Variants in FRMD3 observed in about 807,000 individuals in gnomAD.
The protein encoded by FRMD3 is FERM domain-containing protein 3.
FRMD3 carries 33 observed loss-of-function variants against 70.2 expected under a neutral mutation model. The ratio of observed to expected loss-of-function variants is 0.47; its 90% CI spans 0.36 to 0.63. FRMD3 has a LOEUF of 0.63. Ranked by LOEUF, FRMD3 falls within the 20% of genes least tolerant of loss-of-function variation. The pLI is 0.00. For missense variants in FRMD3, 632 were observed against 711.4 expected (o/e 0.89, Z 1.27); for synonymous variants, 279 against 255.9 (o/e 1.09, Z -0.86).
chr9:83,303,963 A>G (rs1399283650), intron 10 of FRMD3, among the ~76,000 whole-genome samples: 1 of 152,146 alleles, frequency 6.6e-6, no homozygotes, highest in Non-Finnish European at 1.5e-5. Context: ...TTGCCATTTT[A>G]GATATTTCAT....
intron 13 of FRMD3, among the ~76,000 whole-genome samples, chr9:83,285,289 C>T (rs1482539102): frequency 6.6e-6 from 1 of 152,144 alleles, no homozygotes; most frequent in African/African-American, 2.4e-5. Flanking sequence ...GATGGTGCTA[C>T]AGGGTGGCTT....
chr9:83,349,249 C>T (rs547205539), intron 4 of FRMD3, among the ~76,000 whole-genome samples: 281 of 152,174 alleles, frequency 1.8e-3, no homozygotes, highest in African/African-American at 6.5e-3. Context: ...GCCTCCCAGT[C>T]GGTCATTCAG....
chr9:83,400,003 A>G (rs1489867540), intron 1 of FRMD3, among the ~76,000 whole-genome samples: 1 of 151,996 alleles, frequency 6.6e-6, no homozygotes, highest in Non-Finnish European at 1.5e-5. Context: ...GACAAGAAAG[A>G]AAAAAGAAGA....
Position 83,389,699 on chromosome 9 carries a change from T to C in FRMD3, c.157A>G (p.Lys53Glu). The change falls in exon 2 of 14, where the codon AAA becomes GAA. Residue 53 changes from lysine (K) to glutamate (E), a missense_variant. Coordinates refer to ENST00000304195, the MANE Select transcript of FRMD3 (RefSeq NM_174938.6). The part of the protein sequence containing the change: ...EISCHIQRET[K>E]GQFLIDHICN... ...ATGTGGTCAATGAGAAACTGCCCTT[T>C]GGTTTCCCTCTGCAAAGGAAGCACA... The C allele has an allele frequency of 6.2e-7, 1 of 1,613,148 alleles. No individual in the cohort carries two copies. Among genetic ancestry groups the C allele is most frequent in the Non-Finnish European group, 8.5e-7 (1 of 1,179,142 alleles).
chr9:83,387,710 T>C (rs1825550625), intron 2 of FRMD3, among the ~76,000 whole-genome samples: 1 of 152,206 alleles, frequency 6.6e-6, no homozygotes, highest in Non-Finnish European at 1.5e-5. Flanking sequence ...TAACAACTTC[T>C]TTGAGCTTCT....
At chr9:83,261,961 A>G (rs921064519) in intron 13 of FRMD3, among the ~76,000 whole-genome samples, 2 of 152,222 alleles carry the variant, frequency 1.3e-5, no homozygotes, top group African/African-American at 2.4e-5. Context: ...GGAATACCTG[A>G]GTTAATACAT....
At chr9:83,564,801 G>A in the FRMD3 span, among the ~76,000 whole-genome samples, 1 of 152,198 alleles carries the variant, frequency 6.6e-6, no homozygotes, top group Non-Finnish European at 1.5e-5. Context: ...AAGGCAGGAG[G>A]TGAGGAACCT....
At chr9:83,342,721 T>TAGAC (rs1474399820) in intron 5 of FRMD3, among the ~76,000 whole-genome samples, 10 of 148,486 alleles carry the variant, frequency 6.7e-5, no homozygotes, top group African/African-American at 2.5e-4. Context: ...GATAGATAGA[T>TAGAC]AGATAGATAG....
At chr9:83,392,304 A>T (rs1825687920) in intron 1 of FRMD3, among the ~76,000 whole-genome samples, 1 of 152,080 alleles carries the variant, frequency 6.6e-6, no homozygotes, top group Admixed American at 6.5e-5. Context: ...ACAGTCCCAC[A>T]TTCTTCGCCT....
intron 13 of FRMD3, chr9:83,281,527 A>G (rs941083937): frequency 2.0e-5 from 3 of 152,158 alleles, no homozygotes; most frequent in Non-Finnish European, 2.9e-5. Flanking sequence ...AATTATTATT[A>G]AGTGGGGTAG....
chr9:83,569,454 A>G, the FRMD3 span, among the ~76,000 whole-genome samples: 1 of 152,218 alleles, frequency 6.6e-6, no homozygotes, highest in Non-Finnish European at 1.5e-5. Context: ...TGAGGCTGAG[A>G]GCATGCTGCC....
intron 3 of FRMD3, chr9:83,350,871 T>C (rs1215790929): frequency 4.1e-6 from 2 of 493,536 alleles, no homozygotes; most frequent in Non-Finnish European, 5.3e-6. Context: ...ACTTGTAATA[T>C]TACACTGATA....
At chr9:83,261,854 A>G (rs1211660300) in intron 13 of FRMD3, among the ~76,000 whole-genome samples, 1 of 152,190 alleles carries the variant, frequency 6.6e-6, no homozygotes, top group Non-Finnish European at 1.5e-5. Flanking sequence ...ATTGCCACCG[A>G]CAGTTTCTTA....
chr9:83,495,029 C>A (rs1380934278), intron 1 of FRMD3, among the ~76,000 whole-genome samples: 1 of 144,058 alleles, frequency 6.9e-6, no homozygotes, highest in Non-Finnish European at 1.5e-5. Flanking sequence ...ACCATATGAA[C>A]ATTTTTATGA....
chr9:83,356,380 A>G (rs1335972274), intron 3 of FRMD3, among the ~76,000 whole-genome samples: 1 of 143,394 alleles, frequency 7.0e-6, no homozygotes, highest in East Asian at 2.2e-4. Context: ...GGTTCACGCC[A>G]TTCTCCTGCT....
At chr9:83,419,006 G>A (rs1453825940) in intron 1 of FRMD3, among the ~76,000 whole-genome samples, 1 of 152,158 alleles carries the variant, frequency 6.6e-6, no homozygotes, top group Non-Finnish European at 1.5e-5. Context: ...GGAGCTGGAG[G>A]CCATTATTCT....
At chr9:83,546,484 A>T in the FRMD3 span, among the ~76,000 whole-genome samples, 1 of 152,350 alleles carries the variant, frequency 6.6e-6, no homozygotes, top group East Asian at 1.9e-4. Flanking sequence ...TGATGCCACT[A>T]GACTGGCTCT....
intron 1 of FRMD3, among the ~76,000 whole-genome samples, chr9:83,415,424 A>G (rs1826403532): frequency 6.6e-6 from 1 of 151,238 alleles, no homozygotes; most frequent in Admixed American, 6.6e-5. Flanking sequence ...TATGTTCCTG[A>G]GACCGAGAAA....
At chr9:83,396,025 CTT>C (rs1269453955) in intron 1 of FRMD3, among the ~76,000 whole-genome samples, 1 of 152,208 alleles carries the variant, frequency 6.6e-6, no homozygotes. Flanking sequence ...CATTTGATCT[CTT>C]GACAACCCAT....
Sources: gnomAD v4.1 joint callset for allele counts (sites outside exome capture counted in the v4.1 genomes callset) on GRCh38, gnomAD v4.1.1 for gene constraint, MANE v1.5 for transcripts, NCBI Gene and HGNC (gene_info 2026-07-23, HGNC 2026-07-21) for gene names.